LRIF1: variants seen among roughly 807,000 people sequenced by gnomAD.
LRIF1 encodes the protein ligand dependent nuclear receptor interacting factor 1, also known as ligand-dependent nuclear receptor-interacting factor 1.
Under a neutral mutation model 52.7 loss-of-function variants are expected in LRIF1, and 32 were observed. That is an observed-to-expected ratio of 0.61 (90% CI 0.46 to 0.82). LRIF1 has a LOEUF of 0.82. Among genes scored for constraint, LRIF1 ranks in the 40% least tolerant of loss-of-function variants. The pLI is 0.00. For synonymous variants in LRIF1, 323 were observed against 317.4 expected, an observed-to-expected ratio of 1.02 and a Z score of -0.19; for missense variants, 887 against 892.0, an observed-to-expected ratio of 0.99 and a Z score of 0.07.
chr1:110,958,983 T>C (rs565093003), intron 1 of LRIF1, among the ~76,000 whole-genome samples: 1 of 152,240 alleles, frequency 6.6e-6, no homozygotes, highest in Non-Finnish European at 1.5e-5. Flanking sequence ...CAGTTTTTCA[T>C]ATCTAGAAGG....
chr1:110,920,311 A>G, the LRIF1 span, among the ~76,000 whole-genome samples: 1 of 152,250 alleles, frequency 6.6e-6, no homozygotes, highest in African/African-American at 2.4e-5. Context: ...TCAGTAGATG[A>G]ATGGACAAAC....
chr1:110,937,934 T>C, the LRIF1 span: 1 of 152,134 alleles, frequency 6.6e-6, no homozygotes, highest in Admixed American at 6.5e-5. Flanking sequence ...TATGAGCAAC[T>C]ATATGCCAAT....
the LRIF1 span, among the ~76,000 whole-genome samples, chr1:110,908,314 C>T: frequency 2.7e-4 from 41 of 152,150 alleles, no homozygotes; most frequent in African/African-American, 9.2e-4. Flanking sequence ...TGAGAAAGTG[C>T]GAGTGCAATA....
At chr1:110,948,959 G>A (rs1202399685) in intron 3 of LRIF1, among the ~76,000 whole-genome samples, 1 of 152,086 alleles carries the variant, frequency 6.6e-6, no homozygotes, top group African/African-American at 2.4e-5. Context: ...TTTAGATAGA[G>A]TCCTCAAAGT....
chr1:110,926,958 T>C, the LRIF1 span, among the ~76,000 whole-genome samples: 1 of 152,112 alleles, frequency 6.6e-6, no homozygotes, highest in Non-Finnish European at 1.5e-5. Flanking sequence ...CAGACATATA[T>C]GGACACTTGC....
chr1:110,878,601 A>G, the LRIF1 span, among the ~76,000 whole-genome samples: 1 of 152,056 alleles, frequency 6.6e-6, no homozygotes, highest in Non-Finnish European at 1.5e-5. Flanking sequence ...TTTGCTTTCT[A>G]TTGCTGGATT....
At chr1:110,896,580 T>C in the LRIF1 span, 1 of 1,411,170 alleles carries the variant, frequency 7.1e-7, no homozygotes, top group East Asian at 2.3e-5. Flanking sequence ...GGCACACCTT[T>C]TCCTCTAAGG....
At chr1:110,882,615 G>A in the LRIF1 span, among the ~76,000 whole-genome samples, 1 of 151,966 alleles carries the variant, frequency 6.6e-6, no homozygotes. Context: ...AAATTCTGCT[G>A]TAATATTGAT....
chr1:110,952,818 TA>T lies in LRIF1; in HGVS notation c.69-4del. The T allele has an allele frequency of 6.4e-7, 1 of 1,557,158 alleles. No individual in the cohort carries two copies. Among genetic ancestry groups the T allele is most frequent in the Non-Finnish European group, 8.7e-7 (1 of 1,150,190 alleles). ...CTTGGTACATGCAGCCTGAAACACT[TA>T]AAAGAACATTGAGTAAATAAATACA... On this transcript the variant is annotated splice_region_variant and splice_polypyrimidine_tract_variant and intron_variant, in intron 1 of 3. Coordinates refer to ENST00000369763, the MANE Select transcript of LRIF1 (RefSeq NM_018372.4).
At chr1:110,921,473 T>A in the LRIF1 span, among the ~76,000 whole-genome samples, 1 of 151,926 alleles carries the variant, frequency 6.6e-6, no homozygotes, top group Admixed American at 6.6e-5. Flanking sequence ...TTTTTAAAAA[T>A]CATAAAATTG....
At chr1:110,935,310 G>A in the LRIF1 span, among the ~76,000 whole-genome samples, 4 of 152,142 alleles carry the variant, frequency 2.6e-5, no homozygotes, top group Non-Finnish European at 5.9e-5. Flanking sequence ...ACACCATGCA[G>A]GAAATCATGA....
chr1:110,931,315 C>A, the LRIF1 span, among the ~76,000 whole-genome samples: 1 of 152,296 alleles, frequency 6.6e-6, no homozygotes, highest in Admixed American at 6.5e-5. Context: ...GACATGAACT[C>A]ATCCTTTTTC....
the LRIF1 span, among the ~76,000 whole-genome samples, chr1:110,920,727 A>T: frequency 6.6e-6 from 1 of 152,220 alleles, no homozygotes; most frequent in Non-Finnish European, 1.5e-5. Context: ...GATTGTAACA[A>T]ATACACCACT....
Position 110,951,312 on chromosome 1 carries a change from A to T in LRIF1, c.1572T>A (p.Cys524Ter). ...VDATTVTSQQ[C>*]VFRDQEPKIH... ...CCTTTGGTTCTTGGTCTCTGAAAAC[A>T]CACTGTTGTGAAGTAACAGTTGTTG... Residue 524 changes from cysteine (C) to a stop codon, truncating the protein, a stop_gained, in exon 2 of 4, where the codon TGT (cysteine) becomes TGA (stop). Transcript: ENST00000369763. LOFTEE classifies it high-confidence loss of function. 6.2e-7 allele frequency: 1 copy of T among 1,613,292 alleles called. No homozygotes were observed. The highest frequency in any genetic ancestry group is 8.5e-7 in the Non-Finnish European group (1 of 1,179,672).
chr1:110,963,585 G>A (rs1659058228), intron 1 of LRIF1, 36 bp downstream of exon 1: 4 of 1,570,860 alleles, frequency 2.5e-6, no homozygotes, highest in Non-Finnish European at 2.6e-6. Context: ...ACGGACAGAG[G>A]GGCAGCCGTG....
chr1:110,962,599 T>C (rs182062115), intron 1 of LRIF1, among the ~76,000 whole-genome samples: 114 of 152,358 alleles, frequency 7.5e-4, no homozygotes, highest in African/African-American at 2.5e-3. Context: ...ACTATTTTCC[T>C]ACACGACGTA....
At chr1:110,882,395 G>C in the LRIF1 span, among the ~76,000 whole-genome samples, 1 of 151,810 alleles carries the variant, frequency 6.6e-6, no homozygotes, top group Non-Finnish European at 1.5e-5. Flanking sequence ...AAAATCAGTT[G>C]TCCATATGCA....
chr1:110,915,490 A>AAAAAAAATAAAT, the LRIF1 span, among the ~76,000 whole-genome samples: 3 of 141,850 alleles, frequency 2.1e-5, no homozygotes, highest in African/African-American at 7.6e-5. Context: ...TCCGTCTCAA[A>AAAAAAAATAAAT]AAATAAATAA....
At chr1:110,945,298 G>GTATATA (rs1483174834), downstream of LRIF1, 4 of 152,136 alleles carry the variant, frequency 2.6e-5, no homozygotes, top group East Asian at 7.7e-4. Flanking sequence ...GGTATTAGTG[G>GTATATA]TAAACTTTGG....
Sources: allele counts gnomAD v4.1 joint callset (sites outside exome capture counted in the v4.1 genomes callset), GRCh38; gene constraint gnomAD v4.1.1; transcripts MANE v1.5; gene names NCBI Gene and HGNC (gene_info 2026-07-23, HGNC 2026-07-21).